ATP2A3: variants seen among roughly 807,000 people sequenced by gnomAD.
ATP2A3 encodes the protein ATPase sarcoplasmic/endoplasmic reticulum Ca2+ transporting 3, also known as sarcoplasmic/endoplasmic reticulum calcium ATPase 3.
A neutral mutation model predicts 106.8 loss-of-function variants in ATP2A3; 61 were observed. The ratio of observed to expected loss-of-function variants is 0.57; its 90% CI spans 0.46 to 0.71. ATP2A3 has a LOEUF of 0.71. ATP2A3 is among the 30% of genes least tolerant of loss of function. ATP2A3 has a pLI of 0.00. For missense variants in ATP2A3, 1,201 were observed against 1,423.5 expected (o/e 0.84, Z 2.52); for synonymous variants, 611 against 609.3 (o/e 1.00, Z -0.04).
At position 3,951,698 on chromosome 17, in the gene ATP2A3, A is replaced by G; in HGVS notation, c.220-13T>C. 6.2e-7 allele frequency: 1 copy of G among 1,601,066 alleles called. No individual in the cohort carries two copies. The highest frequency in any genetic ancestry group is 1.7e-4 in the Middle Eastern group (1 of 6,044). ...ACCAGGCCAGGACCTGCAGGATCAC[A>G]GCTGGTGAGCTCAGGCCCTGCTGCG... On this transcript the variant is annotated splice_polypyrimidine_tract_variant and intron_variant, in intron 3 of 20. Transcript: ENST00000397041.
chr17:3,928,468 C>A lies in ATP2A3; in HGVS notation c.2980+195G>T. 1 of 979,722 alleles carries A rather than the reference C, an allele frequency of 1.0e-6. No individual in the cohort carries two copies. Among genetic ancestry groups the A allele is most frequent in the East Asian group, 2.6e-5 (1 of 38,286 alleles). 60.7% of individuals were successfully genotyped at this position (979,722 alleles called of 1,614,324 possible). On this transcript the variant is annotated intron_variant, in intron 20 of 20. Transcript: ENST00000397041. The surrounding 1 kb of genome is among the most constrained non-coding windows in gnomAD (Gnocchi z 6.1). ...TGGCCCAGTGAGCCCAGGTCCCCTGCAGTGCAAGACCCTGCGGACACCTTG... is the reference window on the plus strand; with the variant it reads ...TGGCCCAGTGAGCCCAGGTCCCCTGAAGTGCAAGACCCTGCGGACACCTTG...
At chr17:3,945,186 G>T in intron 8 of ATP2A3, 38 bp from the exon 9 acceptor site, 1 of 1,529,956 alleles carries the variant, frequency 6.5e-7, no homozygotes, top group Non-Finnish European at 8.8e-7. Context: ...GGGCGGGGTC[G>T]CCTCCCTCCT....
At chr17:3,935,936 T>G (rs1316425888) in intron 16 of ATP2A3, among the ~76,000 whole-genome samples, 1 of 152,192 alleles carries the variant, frequency 6.6e-6, no homozygotes, top group East Asian at 1.9e-4. Context: ...AGGCCTGAGA[T>G]TCTTATCATA....
At chr17:3,943,145 C>T (rs1008107336) in intron 11 of ATP2A3, among the ~76,000 whole-genome samples, 4 of 152,024 alleles carry the variant, frequency 2.6e-5, no homozygotes, top group Non-Finnish European at 4.4e-5. Context: ...AAAAATTAGC[C>T]GGGTGTGGTG....
rs2053472617 is a variant in ATP2A3 at position 3,936,771 on chromosome 17, A to G, written c.2322-302T>C. The G allele has an allele frequency of 4.4e-6, 2 of 450,520 alleles. No individual in the cohort carries two copies. Among genetic ancestry groups the G allele is most frequent in the South Asian group, 4.3e-5 (2 of 46,204 alleles). The allele number at this position is 450,520 out of a possible 1,614,324, so 27.9% of individuals were successfully genotyped here. On this transcript the variant is annotated intron_variant, in intron 15 of 20. Transcript: ENST00000397041. The surrounding 1 kb of genome is among the most constrained non-coding windows in gnomAD (Gnocchi z 5.4). The stretch of plus-strand genomic sequence containing the variant: ...ACACACACACGCACACGAAGAGGGC[A>G]TGCCCAAGAATCAGACATGTGCAAA...
intron 1 of ATP2A3, among the ~76,000 whole-genome samples, chr17:3,956,760 G>A (rs2054804556): frequency 6.6e-6 from 1 of 152,154 alleles, no homozygotes; most frequent in South Asian, 2.1e-4. Flanking sequence ...AGAGAGATTT[G>A]GAGGCGATTG....
Position 3,936,671 on chromosome 17 carries a change from C to A in ATP2A3, c.2322-202G>T. 1 of 630,044 alleles carries A rather than the reference C, an allele frequency of 1.6e-6. No homozygotes were observed. Among genetic ancestry groups the A allele is most frequent in the Non-Finnish European group, 2.9e-6 (1 of 348,220 alleles). 39.0% of individuals were successfully genotyped at this position (630,044 alleles called of 1,614,324 possible). ...TGGCCAGTCCTGCCTTCCCCAGTCCCAGCTCTGGATCCTGGACATACCTGC... is the reference window on the plus strand; with the variant it reads ...TGGCCAGTCCTGCCTTCCCCAGTCCAAGCTCTGGATCCTGGACATACCTGC... On this transcript the variant is annotated intron_variant, in intron 15 of 20. Transcript: ENST00000397041. The surrounding 1 kb of genome is among the most constrained non-coding windows in gnomAD (Gnocchi z 5.4).
Position 3,941,238 on chromosome 17 carries a change from G to A in ATP2A3, c.1833C>T (p.Ile611=), listed in dbSNP as rs140617781. Residue 611 remains isoleucine, a synonymous_variant, in exon 14 of 21, where the codon ATC becomes ATT. Coordinates refer to ENST00000397041, the MANE Select transcript of ATP2A3 (RefSeq NM_005173.4). ...DPPRPEVAAC[I]TRCYQAGIRV... ...GGATGCCCGCCTGGTAGCAGCGTGTGATGCAGGCAGCCACCTCAGGTCGCG... is the reference window on the plus strand; with the variant it reads ...GGATGCCCGCCTGGTAGCAGCGTGTAATGCAGGCAGCCACCTCAGGTCGCG... 8 of 1,613,954 alleles carry A rather than the reference G, an allele frequency of 5.0e-6. No individual in the cohort carries two copies. The highest frequency in any genetic ancestry group is 5.9e-6 in the Non-Finnish European group (7 of 1,180,032).
chr17:3,950,862 G>A, intron 5 of ATP2A3, 89 bp from the exon 6 acceptor site: 1 of 1,316,210 alleles, frequency 7.6e-7, no homozygotes, highest in Non-Finnish European at 1.1e-6. Context: ...CAAGGCTGGG[G>A]CTGGGCGTCG....
At chr17:3,950,821 G>C in intron 5 of ATP2A3, 48 bp from the exon 6 acceptor site, 1 of 1,574,932 alleles carries the variant, frequency 6.3e-7, no homozygotes, top group Non-Finnish European at 8.7e-7. Flanking sequence ...GGCACCACCA[G>C]CTGGGAAAAG....
Position 3,942,739 on chromosome 17 carries a change from G to A in ATP2A3, c.1420-8C>T. The A allele has an allele frequency of 6.2e-7, 1 of 1,612,064 alleles. No homozygotes were observed. The highest frequency in any genetic ancestry group is 1.1e-5 in the South Asian group (1 of 91,082). ...CATCAGCTGCTTGATGACCTGCGGG[G>A]TCCAGGCAGGTCAGGGCATGAAGGA... On this transcript the variant is annotated splice_polypyrimidine_tract_variant and splice_region_variant and intron_variant, in intron 11 of 20. Transcript: ENST00000397041.
rs771554374 is a variant in ATP2A3 at position 3,944,698 on chromosome 17, G to A, written c.1287+6C>T. 5 of 1,612,092 alleles carry A rather than the reference G, an allele frequency of 3.1e-6. No homozygotes were observed. In the African/African-American group the frequency reaches 5.3e-5, roughly 17 times the overall value. ...TAGGGAGGTCATGAAAGGGGGTGAG[G>A]CCCACCTCGTTGTAGTCCAGAGCCG... On this transcript the variant is annotated splice_donor_region_variant and intron_variant, in intron 10 of 20. Coordinates refer to ENST00000397041, the MANE Select transcript of ATP2A3 (RefSeq NM_005173.4).
rs2052938588 is a variant in ATP2A3, at chr17:3,929,706, G to A, written c.2745-261C>T. Among the ~76,000 whole-genome samples the A allele has an allele frequency of 1.3e-5, 2 of 152,052 alleles. No individual in the cohort carries two copies. Among genetic ancestry groups the A allele is most frequent in the Non-Finnish European group, 2.9e-5 (2 of 67,988 alleles). ...CCCATGAACTCTCAGAATCCTCTCT[G>A]GGCCCCTTTGACCCTTAGGCCCCAA... On this transcript the variant is annotated intron_variant, in intron 18 of 20. Coordinates refer to ENST00000397041, the MANE Select transcript of ATP2A3 (RefSeq NM_005173.4). The surrounding 1 kb of genome is among the most constrained non-coding windows in gnomAD (Gnocchi z 4.3).
Position 3,926,920 on chromosome 17 carries a change from C to G in ATP2A3, c.2981-1479G>C. 2 of 985,466 alleles carry G rather than the reference C, an allele frequency of 2.0e-6. No homozygotes were observed. The highest frequency in any genetic ancestry group is 2.4e-6 in the Non-Finnish European group (2 of 829,936). The allele number at this position is 985,466 out of a possible 1,614,324, so 61.0% of individuals were successfully genotyped here. On this transcript the variant is annotated intron_variant, in intron 20 of 20. Transcript: ENST00000397041. This position sits in a 1 kb window ranked among gnomAD's most constrained non-coding sequence, Gnocchi z 4.6. The stretch of plus-strand genomic sequence containing the variant: ...CCTCCATGGTTGACACAGTCCGCAC[C>G]GTGCTTACACTCCTCCCGTGCTTCC...
At position 3,953,831 on chromosome 17, in the gene ATP2A3, C is replaced by T. The variant is rs1597663032; in HGVS notation, c.119-121G>A. ...TGCCCGCCCAGACCCCCACCACGGA[C>T]TGGATGTATCCCCAGGGCTCTCTGA... On this transcript the variant is annotated intron_variant, in intron 1 of 20. Coordinates refer to ENST00000397041, the MANE Select transcript of ATP2A3 (RefSeq NM_005173.4). This position sits in a 1 kb window ranked among gnomAD's most constrained non-coding sequence, Gnocchi z 5.1. The T allele has an allele frequency of 9.3e-7, 1 of 1,070,214 alleles. No individual in the cohort carries two copies. The highest frequency in any genetic ancestry group is 1.4e-6 in the Non-Finnish European group (1 of 710,882). 66.3% of individuals were successfully genotyped at this position (1,070,214 alleles called of 1,614,324 possible).
At chr17:3,957,396 C>T (rs190877416) in intron 1 of ATP2A3, among the ~76,000 whole-genome samples, 49 of 152,246 alleles carry the variant, frequency 3.2e-4, no homozygotes, top group African/African-American at 5.3e-4. Context: ...CTCTCTTTAC[C>T]GCTCACCCAA....
At chr17:3,943,225 T>C (rs1325342475) in intron 11 of ATP2A3, among the ~76,000 whole-genome samples, 166 bp downstream of exon 11, 1 of 151,622 alleles carries the variant, frequency 6.6e-6, no homozygotes, top group Non-Finnish European at 1.5e-5. Flanking sequence ...TGAGCCAGGA[T>C]TGCACCATTG....
chr17:3,933,704 C>A lies in ATP2A3; in HGVS notation c.2610+1488G>T, dbSNP rs1031189326. ...TGAGCCAAGATTGCACCACTGCACT[C>A]CAGCCTGGGTGACAGAGCGAGACTC... On this transcript the variant is annotated intron_variant, in intron 17 of 20. Transcript: ENST00000397041. Among the ~76,000 whole-genome samples, 14 of 151,124 alleles carry A rather than the reference C, an allele frequency of 9.3e-5. 1 individual carries two copies. Among genetic ancestry groups the A allele is most frequent in the Non-Finnish European group, 1.5e-4 (10 of 67,972 alleles).
chr17:3,949,418 G>C (rs2054293254), intron 7 of ATP2A3, among the ~76,000 whole-genome samples: 1 of 152,232 alleles, frequency 6.6e-6, no homozygotes, highest in Non-Finnish European at 1.5e-5. Flanking sequence ...CGGGCATCAT[G>C]CCTTGTGGGT....
Sources: allele counts gnomAD v4.1 joint callset (sites outside exome capture counted in the v4.1 genomes callset), GRCh38; gene constraint gnomAD v4.1.1; non-coding constraint Gnocchi (gnomAD v3.1); transcripts MANE v1.5; gene names NCBI Gene and HGNC (gene_info 2026-07-23, HGNC 2026-07-21).